Variants in KDM3A observed in about 807,000 individuals in gnomAD.
KDM3A encodes lysine demethylase 3A, also known as lysine-specific demethylase 3A.
In KDM3A, 60 loss-of-function variants were observed where a neutral mutation model predicts 158.0. The observed-to-expected ratio is 0.38, with a 90% CI of 0.31 to 0.47. KDM3A has a LOEUF of 0.47. Among genes scored for constraint, KDM3A ranks in the 20% least tolerant of loss-of-function variants. The pLI is 0.99. For missense variants in KDM3A, 1,319 were observed against 1,574.3 expected (o/e 0.84, Z 2.74); for synonymous variants, 608 against 549.3 (o/e 1.11, Z -1.49).
At chr2:86,454,553 A>G (rs952247155) in intron 4 of KDM3A, among the ~76,000 whole-genome samples, 1 of 152,188 alleles carries the variant, frequency 6.6e-6, no homozygotes, top group African/African-American at 2.4e-5. Flanking sequence ...AGTTATGGTC[A>G]TCTACCCCTG....
In KDM3A at chr2:86,492,073, C is replaced by G. The variant is rs1674483565; in HGVS notation, c.3920C>G (p.Ala1307Gly). ...GTTATCTACCATGCAGTGAAAGATG[C>G]AGTTGCTATGCTGAAAGCCAGTGAA... ...KNVIYHAVKD[A>G]VAMLKASESS... Residue 1307 changes from alanine (A) to glycine (G), a missense_variant, in exon 26 of 26, where the codon GCA (alanine) becomes GGA (glycine). This residue lies in a region of KDM3A where 186 missense variants were observed against 340.9 expected (regional missense o/e 0.55). Coordinates refer to ENST00000312912, the MANE Select transcript of KDM3A (RefSeq NM_018433.6). 2 of 1,613,298 alleles carry G rather than the reference C, an allele frequency of 1.2e-6. No individual in the cohort carries two copies. Among genetic ancestry groups the G allele is most frequent in the East Asian group, 2.2e-5 (1 of 44,852 alleles).
Position 86,441,992 on chromosome 2 carries a change from C to A in KDM3A, c.-30-26C>A. 1.9e-6 allele frequency: 3 copies of A among 1,558,500 alleles called. No individual in the cohort carries two copies. In the Middle Eastern group the frequency reaches 6.2e-4, roughly 322 times the overall value. The stretch of plus-strand genomic sequence containing the variant: ...GCCCCCTCCCACCGGCCGCCCCCGT[C>A]GCATTTTGTTTTTGTGTTTTTGCAG... On this transcript the variant is annotated intron_variant, in intron 1 of 25. Transcript: ENST00000312912.
intron 2 of KDM3A, 46 bp from the exon 3 acceptor site, chr2:86,449,761 A>T: frequency 6.4e-7 from 1 of 1,554,660 alleles, no homozygotes; most frequent in Non-Finnish European, 8.7e-7. Flanking sequence ...TGCTTATTTT[A>T]ATAAATTGAA....
chr2:86,450,329 T>TA (rs769462011), intron 3 of KDM3A, among the ~76,000 whole-genome samples: 1 of 152,362 alleles, frequency 6.6e-6, no homozygotes, highest in South Asian at 2.1e-4. Context: ...CATTGTCTCT[T>TA]AAAAAATCTA....
chr2:86,486,177 T>A (rs1323241737), intron 21 of KDM3A, among the ~76,000 whole-genome samples: 4 of 152,246 alleles, frequency 2.6e-5, no homozygotes, highest in African/African-American at 4.8e-5. Context: ...TGAGAGAATG[T>A]ACTTTTATTA....
chr2:86,445,814 C>T (rs554488277), intron 2 of KDM3A, among the ~76,000 whole-genome samples: 1 of 152,210 alleles, frequency 6.6e-6, no homozygotes, highest in Admixed American at 6.5e-5. Flanking sequence ...TTGGGATCTT[C>T]GACAAACATT....
chr2:86,475,289 T>A (rs920739766), intron 12 of KDM3A, among the ~76,000 whole-genome samples: 8 of 152,066 alleles, frequency 5.3e-5, no homozygotes, highest in Non-Finnish European at 1.2e-4. Context: ...GGGGATGAGG[T>A]CTCAGATTGG....
chr2:86,437,134 T>C (rs1188691301), upstream of KDM3A, among the ~76,000 whole-genome samples: 1 of 152,182 alleles, frequency 6.6e-6, no homozygotes, highest in Non-Finnish European at 1.5e-5. Flanking sequence ...CTTGGTTATA[T>C]ATACATTATA....
Position 86,482,103 on chromosome 2 carries a change from G to A in KDM3A, c.2685+1G>A. 1 of 1,612,498 alleles carries A rather than the reference G, an allele frequency of 6.2e-7. No homozygotes were observed. The highest frequency in any genetic ancestry group is 8.5e-7 in the Non-Finnish European group (1 of 1,179,146). ...TCTCTTGAATTCTTCTACAGGAAAG[G>A]TATGTGTTTGTTTGTTGGTATTCCA... On this transcript the variant is annotated splice_donor_variant, in intron 17 of 25. Coordinates refer to ENST00000312912, the MANE Select transcript of KDM3A (RefSeq NM_018433.6). LOFTEE classifies it high-confidence loss of function.
At chr2:86,474,004 A>G (rs1673535943) in intron 11 of KDM3A, among the ~76,000 whole-genome samples, 1 of 152,170 alleles carries the variant, frequency 6.6e-6, no homozygotes, top group Non-Finnish European at 1.5e-5. Context: ...GTGACTATCT[A>G]GGGGTTACCC....
At chr2:86,477,011 T>A (rs763418190) in intron 12 of KDM3A, among the ~76,000 whole-genome samples, 4 of 152,218 alleles carry the variant, frequency 2.6e-5, no homozygotes, top group Non-Finnish European at 5.9e-5. Flanking sequence ...CACAGAAATG[T>A]CCTCCCTTTG....
chr2:86,451,483 G>A (rs1305107671), intron 4 of KDM3A, among the ~76,000 whole-genome samples: 2 of 152,064 alleles, frequency 1.3e-5, no homozygotes, highest in African/African-American at 4.8e-5. Flanking sequence ...CTAGATAAAA[G>A]AAAATGTTAT....
chr2:86,466,393 A>G lies in KDM3A; in HGVS notation c.1029A>G (p.Pro343=), dbSNP rs753759781. 51 of 1,610,602 alleles carry G rather than the reference A, an allele frequency of 3.2e-5. 2 individuals carry two copies. In the South Asian group the frequency reaches 3.3e-4, roughly 10 times the overall value. ...IPQGCHKQSL[P]EEISSCLNTK... ...TCAGATGTCATAAACAAAGTTTACCAGAGGAAATTTCTTCCTGTCTAAATA... is the reference window on the plus strand; with the variant it reads ...TCAGATGTCATAAACAAAGTTTACCGGAGGAAATTTCTTCCTGTCTAAATA... The change falls in exon 10 of 26, where the codon CCA becomes CCG. Residue 343 remains proline (P), a synonymous_variant. Coordinates refer to ENST00000312912, the MANE Select transcript of KDM3A (RefSeq NM_018433.6).
At chr2:86,454,539 T>C (rs1325330636) in intron 4 of KDM3A, among the ~76,000 whole-genome samples, 2 of 152,134 alleles carry the variant, frequency 1.3e-5, no homozygotes. Context: ...ATAAACTAAC[T>C]CTCAGTTATG....
intron 16 of KDM3A, 111 bp downstream of exon 16, chr2:86,480,473 G>A (rs1673867999): frequency 1.1e-6 from 1 of 893,778 alleles, no homozygotes; most frequent in Non-Finnish European, 1.7e-6. Flanking sequence ...CTTCTCTGGA[G>A]TCATCCTGGA....
chr2:86,471,455 C>G (rs1344945962), intron 11 of KDM3A, among the ~76,000 whole-genome samples: 1 of 151,832 alleles, frequency 6.6e-6, no homozygotes, highest in Non-Finnish European at 1.5e-5. Context: ...AAAAGCAGCC[C>G]TATCTTTTTT....
chr2:86,492,367 A>T lies in KDM3A; in HGVS notation c.*248A>T. 2.3e-6 allele frequency: 1 copy of T among 433,100 alleles called. No individual in the cohort carries two copies. Among genetic ancestry groups the T allele is most frequent in the Non-Finnish European group, 4.2e-6 (1 of 240,868 alleles). 26.8% of individuals were successfully genotyped at this position (433,100 alleles called of 1,614,324 possible). ...AGTGCAGAACTTTTACCAGGCTGTA[A>T]AAGCAAAACCTCGTATCAGCTCTGG... On this transcript the variant is annotated 3_prime_UTR_variant, in exon 26 of 26. Transcript: ENST00000312912.
At position 86,470,245 on chromosome 2, in the gene KDM3A, A is replaced by G; in HGVS notation, c.1561A>G (p.Lys521Glu). ...GGTTTTGACAGACCCAGCTAAACTC[A>G]AAAAGCTGCAACAGAGTGGCGAGGC... ...KSVLTDPAKL[K>E]KLQQSGEAFV... Residue 521 changes from lysine (K) to glutamate (E), a missense_variant, in exon 11 of 26, where the codon AAA (lysine) becomes GAA (glutamate). Physicochemically the swap from Lys to Glu is moderately conservative, Grantham distance 56 (BLOSUM62 1). Coordinates refer to ENST00000312912, the MANE Select transcript of KDM3A (RefSeq NM_018433.6). 1 of 1,614,116 alleles carries G rather than the reference A, an allele frequency of 6.2e-7. No individual in the cohort carries two copies. Among genetic ancestry groups the G allele is most frequent in the South Asian group, 1.1e-5 (1 of 91,084 alleles).
At chr2:86,464,007 TA>T in intron 8 of KDM3A, 45 bp from the exon 9 acceptor site, 1 of 1,388,852 alleles carries the variant, frequency 7.2e-7, no homozygotes, top group Non-Finnish European at 9.7e-7. Context: ...TATTATTTCC[TA>T]ACTAGGGACT....
Sources: allele counts gnomAD v4.1 joint callset (sites outside exome capture counted in the v4.1 genomes callset), GRCh38; gene constraint gnomAD v4.1.1; regional missense constraint gnomAD v4.1.1; transcripts MANE v1.5; gene names NCBI Gene and HGNC (gene_info 2026-07-23, HGNC 2026-07-21).